Variants in DDIT4 observed in about 807,000 individuals in gnomAD.
DDIT4 encodes DNA damage inducible transcript 4.
DDIT4 carries 20 observed loss-of-function variants against 20.2 expected under a neutral mutation model. That is an observed-to-expected ratio of 0.99 (90% CI 0.70 to 1.44). The LOEUF is 1.44. DDIT4 is among the 40% of genes most tolerant of loss of function. The pLI is 0.00. For missense variants in DDIT4, 316 were observed against 298.1 expected, an observed-to-expected ratio of 1.06 and a Z score of -0.44; for synonymous variants, 152 against 144.6, an observed-to-expected ratio of 1.05 and a Z score of -0.37.
At chr10:72,274,475 C>A in intron 2 of DDIT4, 54 bp downstream of exon 2, 1 of 1,495,942 alleles carries the variant, frequency 6.7e-7, no homozygotes, top group Non-Finnish European at 8.9e-7. Context: ...GGTGGGGAAG[C>A]CCCGGTGCTG....
chr10:72,275,351 T>A lies in DDIT4; in HGVS notation c.*163T>A. The A allele has an allele frequency of 2.6e-6, 2 of 763,312 alleles. No homozygotes were observed. Among genetic ancestry groups the A allele is most frequent in the Non-Finnish European group, 4.1e-6 (2 of 484,896 alleles). The allele number at this position is 763,312 out of a possible 1,614,324, so 47.3% of individuals were successfully genotyped here. On this transcript the variant is annotated 3_prime_UTR_variant, in exon 3 of 3. Coordinates refer to ENST00000307365, the MANE Select transcript of DDIT4 (RefSeq NM_019058.4). ...GAATAGTGTTTCCCAGGAAGCTCAT[T>A]GAGTTGTGTGCGGGTGGCTGTGCAT... is the stretch of plus-strand genomic sequence containing the variant.
Position 72,274,360 on chromosome 10 carries a change from C to G in DDIT4, c.144C>G (p.Ser48Arg). The G allele has an allele frequency of 1.2e-6, 2 of 1,609,466 alleles. No homozygotes were observed. Among genetic ancestry groups the G allele is most frequent in the Non-Finnish European group, 1.7e-6 (2 of 1,178,798 alleles). ...TREEGFDRST[S>R]LESSDCESLD... ...AGGAGGGGTTTGACCGCTCCACGAG[C>G]CTGGAGAGCTCGGACTGCGAGTCCC... Residue 48 changes from serine to arginine, a missense_variant, in exon 2 of 3, where the codon AGC becomes AGG. Ser to Arg is a moderately radical substitution (Grantham distance 110). Transcript: ENST00000307365.
In DDIT4 at chr10:72,274,835, C is replaced by T. The variant is rs1378947023; in HGVS notation, c.346C>T (p.Arg116Cys). ...QARLGSRRPA[R>C]LLMPSQLVSQ... ...GCGGCTGGGCTCTCGACGCCCTGCG[C>T]GCCTGCTGATGCCTAGCCAGTTGGT... is the stretch of plus-strand genomic sequence containing the variant. The change falls in exon 3 of 3, where the codon CGC (arginine) becomes TGC (cysteine). Residue 116 changes from arginine to cysteine, a missense_variant. By Grantham distance (180) the Arg-to-Cys change is radical. Coordinates refer to ENST00000307365, the MANE Select transcript of DDIT4 (RefSeq NM_019058.4). The T allele has an allele frequency of 3.1e-6, 5 of 1,613,466 alleles. No individual in the cohort carries two copies. The African/African-American group carries it at 4.0e-5, about 13-fold the overall frequency.
Position 72,275,232 on chromosome 10 carries a change from G to A in DDIT4, c.*44G>A. The A allele has an allele frequency of 1.3e-6, 2 of 1,555,506 alleles. No homozygotes were observed. Among genetic ancestry groups the A allele is most frequent in the African/African-American group, 1.4e-5 (1 of 73,398 alleles). ...CGACAGTGCCCTCCAAGACAGAGAC[G>A]ACTGAACTTTTGGGGTGGAGACTAG... On this transcript the variant is annotated 3_prime_UTR_variant, in exon 3 of 3. Coordinates refer to ENST00000307365, the MANE Select transcript of DDIT4 (RefSeq NM_019058.4).
At position 72,274,967 on chromosome 10, in the gene DDIT4, G is replaced by T; in HGVS notation, c.478G>T (p.Val160Leu). 1 of 1,613,026 alleles carries T rather than the reference G, an allele frequency of 6.2e-7. No individual in the cohort carries two copies. Among genetic ancestry groups the T allele is most frequent in the Non-Finnish European group, 8.5e-7 (1 of 1,179,954 alleles). ...CVEQGKSCHSVGQLALDPSLV... is the reference protein window; with the variant it reads ...CVEQGKSCHSLGQLALDPSLV... ...GGAGCAGGGCAAGAGCTGCCACAGC[G>T]TGGGCCAGCTGGCACTCGACCCCAG... The change falls in exon 3 of 3, where the codon GTG becomes TTG. Residue 160 changes from valine (V) to leucine (L), a missense_variant. Physicochemically the swap from Val to Leu is conservative, Grantham distance 32 (BLOSUM62 1). Transcript: ENST00000307365.
rs1193439098 is a variant in DDIT4 at position 72,274,399 on chromosome 10, C to T, written c.183C>T (p.Asn61=). The T allele has an allele frequency of 3.2e-6, 5 of 1,584,562 alleles. No homozygotes were observed. The highest frequency in any genetic ancestry group is 4.3e-6 in the Non-Finnish European group (5 of 1,165,958). The change falls in exon 2 of 3, where the codon AAC becomes AAT. Residue 61 remains asparagine (N), a synonymous_variant. Transcript: ENST00000307365. ...SSDCESLDSS[N]SGFGPEEDTA... ...ACTGCGAGTCCCTGGACAGCAGCAA[C>T]AGTGGCTTCGGGCCGGAGGAAGGTG...
At position 72,274,014 on chromosome 10, in the gene DDIT4, C is replaced by T; in HGVS notation, c.-107C>T. 3.3e-6 allele frequency: 2 copies of T among 598,258 alleles called. No individual in the cohort carries two copies. Among genetic ancestry groups the T allele is most frequent in the South Asian group, 1.9e-5 (1 of 51,770 alleles). The allele number at this position is 598,258 out of a possible 1,614,324, so 37.1% of individuals were successfully genotyped here. On this transcript the variant is annotated 5_prime_UTR_variant, in exon 1 of 3. Coordinates refer to ENST00000307365, the MANE Select transcript of DDIT4 (RefSeq NM_019058.4). ...GCACGGGTTCGCACACCCATTCAAG[C>T]GGCAGGACGCACTTGTCTTAGCAGT...
chr10:72,275,500 T>G lies in DDIT4; in HGVS notation c.*312T>G. 2 of 258,560 alleles carry G rather than the reference T, an allele frequency of 7.7e-6. No homozygotes were observed. Among genetic ancestry groups the G allele is most frequent in the Admixed American group, 5.2e-5 (1 of 19,164 alleles). 16.0% of individuals were successfully genotyped at this position (258,560 alleles called of 1,614,324 possible). A position where few individuals can be genotyped will look rare whatever the true frequency, so the allele number is the denominator to read the frequency against. ...TTGTTACTGACAGTTAACAGTGGTGTGACATCCAGAGAGCAGCTGGGCTGC... is the reference window on the plus strand; with the variant it reads ...TTGTTACTGACAGTTAACAGTGGTGGGACATCCAGAGAGCAGCTGGGCTGC... On this transcript the variant is annotated 3_prime_UTR_variant, in exon 3 of 3. Coordinates refer to ENST00000307365, the MANE Select transcript of DDIT4 (RefSeq NM_019058.4).
chr10:72,275,180 G>A lies in DDIT4; in HGVS notation c.691G>A (p.Glu231Lys). Residue 231 changes from glutamate (E) to lysine (K), a missense_variant, in exon 3 of 3, where the codon GAG becomes AAG. Glu to Lys is a moderately conservative substitution (Grantham distance 56). Coordinates refer to ENST00000307365, the MANE Select transcript of DDIT4 (RefSeq NM_019058.4). ...LYSSEQLLIE[E>K]C ...CAGCTCGGAACAGCTGCTCATTGAG[G>A]AGTGTTGAACTTCAACCTGAGGGGG... The A allele has an allele frequency of 2.5e-6, 4 of 1,609,314 alleles. No individual in the cohort carries two copies. The highest frequency in any genetic ancestry group is 2.5e-6 in the Non-Finnish European group (3 of 1,179,660).
Position 72,275,329 on chromosome 10 carries a change from T to A in DDIT4, c.*141T>A. On this transcript the variant is annotated 3_prime_UTR_variant, in exon 3 of 3. Coordinates refer to ENST00000307365, the MANE Select transcript of DDIT4 (RefSeq NM_019058.4). Reference sequence around the variant, plus strand: ...GCCACCTAAGGTGGAGGTGGGGGAATAGTGTTTCCCAGGAAGCTCATTGAG... The same window carrying A: ...GCCACCTAAGGTGGAGGTGGGGGAAAAGTGTTTCCCAGGAAGCTCATTGAG... 1.1e-6 allele frequency: 1 copy of A among 915,712 alleles called. No homozygotes were observed. Among genetic ancestry groups the A allele is most frequent in the Non-Finnish European group, 1.6e-6 (1 of 621,792 alleles). 56.7% of individuals were successfully genotyped at this position (915,712 alleles called of 1,614,324 possible). A position where few individuals can be genotyped will look rare whatever the true frequency, so the allele number is the denominator to read the frequency against.
At chr10:72,274,568 G>A in intron 2 of DDIT4, 127 bp from the exon 3 acceptor site, 1 of 1,429,070 alleles carries the variant, frequency 7.0e-7, no homozygotes, top group Non-Finnish European at 9.4e-7. Flanking sequence ...TATAAGGTGA[G>A]TGAGGCGGAA....
rs1283012194 is a variant in DDIT4 at position 72,275,211 on chromosome 10, A to G, written c.*23A>G. On this transcript the variant is annotated 3_prime_UTR_variant, in exon 3 of 3. Transcript: ENST00000307365. Reference sequence around the variant, plus strand: ...TGAACTTCAACCTGAGGGGGCCGACAGTGCCCTCCAAGACAGAGACGACTG... The same window carrying G: ...TGAACTTCAACCTGAGGGGGCCGACGGTGCCCTCCAAGACAGAGACGACTG... 4.4e-6 allele frequency: 7 copies of G among 1,592,792 alleles called. No homozygotes were observed. The highest frequency in any genetic ancestry group is 6.0e-6 in the Non-Finnish European group (7 of 1,173,748).
chr10:72,274,741 C>T lies in DDIT4; in HGVS notation c.252C>T (p.Leu84=), dbSNP rs1358946420. Residue 84 remains leucine (L), a synonymous_variant, in exon 3 of 3, where the codon CTC becomes CTT. Transcript: ENST00000307365. ...TGTCGTTGCCCGACTTCGAGCTGCT[C>T]AGTGACCCTGAGGATGAACACTTGT... The part of the protein sequence containing the change: ...DGVSLPDFEL[L]SDPEDEHLCA... The T allele has an allele frequency of 1.2e-6, 2 of 1,613,698 alleles. No homozygotes were observed. Among genetic ancestry groups the T allele is most frequent in the African/African-American group, 2.7e-5 (2 of 74,932 alleles).
At position 72,274,253 on chromosome 10, in the gene DDIT4, ACCTCCTCTTCGC is replaced by A; in HGVS notation, c.42_53del (p.Ser16_Ser19del). The A allele has an allele frequency of 1.9e-6, 3 of 1,613,150 alleles. No homozygotes were observed. The highest frequency in any genetic ancestry group is 2.5e-6 in the Non-Finnish European group (3 of 1,179,832). ...TTGGGACCGCTTCTCGTCGTCGTCC[ACCTCCTCTTCGC>A]CCTCGTCCTTGCCCCGAACTCCCAC... On this transcript the variant is annotated inframe_deletion, in exon 2 of 3. Coordinates refer to ENST00000307365, the MANE Select transcript of DDIT4 (RefSeq NM_019058.4).
rs759476392 is a variant in DDIT4 at position 72,275,200 on chromosome 10, A to AG, written c.*17dup. 1.9e-6 allele frequency: 3 copies of AG among 1,600,082 alleles called. No individual in the cohort carries two copies. The highest frequency in any genetic ancestry group is 2.2e-5 in the South Asian group (2 of 90,498). On this transcript the variant is annotated 3_prime_UTR_variant, in exon 3 of 3. Transcript: ENST00000307365. ...TTGAGGAGTGTTGAACTTCAACCTG[A>AG]GGGGGCCGACAGTGCCCTCCAAGAC...
rs1270453377 is a variant in DDIT4, at chr10:72,274,946, C to T, written c.457C>T (p.Gln153Ter). ...GGCGCTGCTGGACGTCTGCGTGGAG[C>T]AGGGCAAGAGCTGCCACAGCGTGGG... Reference protein sequence around the residue: ...RGALLDVCVEQGKSCHSVGQL... With the variant: ...RGALLDVCVE The change falls in exon 3 of 3, where the codon CAG becomes TAG. Residue 153 changes from glutamine (Q) to a stop codon, truncating the protein, a stop_gained. Transcript: ENST00000307365. LOFTEE classifies it high-confidence loss of function. 3 of 1,612,600 alleles carry T rather than the reference C, an allele frequency of 1.9e-6. No homozygotes were observed. Among genetic ancestry groups the T allele is most frequent in the East Asian group, 2.2e-5 (1 of 44,868 alleles).
rs1471584792 is a variant in DDIT4, at chr10:72,275,014, G to A, written c.525G>A (p.Leu175=). ...LDPSLVPTFQ[L]TLVLRLDSRL... ...CCAGCCTGGTGCCCACCTTCCAGCT[G>A]ACCCTCGTGCTGCGCCTGGACTCAC... The change falls in exon 3 of 3, where the codon CTG becomes CTA. Residue 175 remains leucine (L), a synonymous_variant. Transcript: ENST00000307365. 6.2e-7 allele frequency: 1 copy of A among 1,613,368 alleles called. No individual in the cohort carries two copies. The highest frequency in any genetic ancestry group is 8.5e-7 in the Non-Finnish European group (1 of 1,179,984).
chr10:72,275,226 A>G lies in DDIT4; in HGVS notation c.*38A>G. The G allele has an allele frequency of 6.4e-7, 1 of 1,564,722 alleles. No individual in the cohort carries two copies. Among genetic ancestry groups the G allele is most frequent in the African/African-American group, 1.4e-5 (1 of 73,668 alleles). ...GGGGGCCGACAGTGCCCTCCAAGAC[A>G]GAGACGACTGAACTTTTGGGGTGGA... On this transcript the variant is annotated 3_prime_UTR_variant, in exon 3 of 3. Transcript: ENST00000307365.
At chr10:72,274,668 C>T (rs1472985187) in intron 2 of DDIT4, 27 bp from the exon 3 acceptor site, 2 of 1,584,622 alleles carry the variant, frequency 1.3e-6, no homozygotes, top group South Asian at 2.3e-5. Context: ...CGCTCTAATA[C>T]CCCTTCCTGT....
Sources: allele counts gnomAD v4.1 joint callset, GRCh38; gene constraint gnomAD v4.1.1; transcripts MANE v1.5; gene names NCBI Gene and HGNC (gene_info 2026-07-23, HGNC 2026-07-21).